GNA12: variants seen among roughly 807,000 people sequenced by gnomAD.
The protein encoded by GNA12 is guanine nucleotide-binding protein subunit alpha-12.
Under a neutral mutation model 26.0 loss-of-function variants are expected in GNA12, and 9 were observed. That is an observed-to-expected ratio of 0.35 (90% CI 0.21 to 0.60). The LOEUF is 0.60. Among genes scored for constraint, GNA12 ranks in the 20% least tolerant of loss-of-function variants. The pLI is 0.78. For missense variants in GNA12, 405 were observed against 525.8 expected (o/e 0.77, Z 2.25); for synonymous variants, 264 against 219.6 (o/e 1.20, Z -1.79).
intron 2 of GNA12, among the ~76,000 whole-genome samples, chr7:2,793,981 T>C (rs1381726782): frequency 6.6e-6 from 1 of 151,634 alleles, no homozygotes; most frequent in African/African-American, 2.4e-5. Flanking sequence ...GATCCTAGTA[T>C]CTTTCCACAG....
intron 2 of GNA12, among the ~76,000 whole-genome samples, chr7:2,751,130 G>GT (rs1194973033): frequency 6.6e-6 from 1 of 152,152 alleles, no homozygotes; most frequent in Non-Finnish European, 1.5e-5. Flanking sequence ...GCACACACTT[G>GT]TAACCCCAGC....
At chr7:2,812,603 T>C (rs1229291837) in intron 1 of GNA12, among the ~76,000 whole-genome samples, 1 of 133,408 alleles carries the variant, frequency 7.5e-6, no homozygotes, top group Non-Finnish European at 1.7e-5. Flanking sequence ...CATTCCAGCC[T>C]GGGCAACAAG....
chr7:2,802,792 C>T lies in GNA12; in HGVS notation c.310-7649G>A, dbSNP rs117715755. Among the ~76,000 whole-genome samples, 1,460 of 152,254 alleles carry T rather than the reference C, an allele frequency of 9.6e-3. 10 individuals are homozygous for T. Among genetic ancestry groups the T allele is most frequent in the Middle Eastern group, 0.075 (22 of 294 alleles). ...ATGCATTTCTTTACATTGATGAATC[C>T]AGCAAACAAAGACAGCGCCTCTTAG... is the stretch of plus-strand genomic sequence containing the variant. On this transcript the variant is annotated intron_variant, in intron 1 of 3. Coordinates refer to ENST00000275364, the MANE Select transcript of GNA12 (RefSeq NM_007353.3).
rs77576632 is a variant in GNA12 at position 2,815,163 on chromosome 7, C to A, written c.310-20020G>T. On this transcript the variant is annotated intron_variant, in intron 1 of 3. Transcript: ENST00000275364. Reference sequence around the variant, plus strand: ...AGGAGCAATACAAAAAGCAAGTGGACAGGAACATCGGCGAGGTGCCTGCGG... The same window carrying A: ...AGGAGCAATACAAAAAGCAAGTGGAAAGGAACATCGGCGAGGTGCCTGCGG... The A allele has an allele frequency of 6.5e-3, 3,755 of 580,802 alleles. 24 individuals carry two copies. The highest frequency in any genetic ancestry group is 0.037 in the Middle Eastern group (120 of 3,270). 36.0% of individuals were successfully genotyped at this position (580,802 alleles called of 1,614,324 possible).
intron 1 of GNA12, among the ~76,000 whole-genome samples, chr7:2,817,940 C>A (rs143793778): frequency 3.9e-5 from 6 of 152,166 alleles, no homozygotes; most frequent in African/African-American, 1.4e-4. Flanking sequence ...ATTATTAGTT[C>A]CAAATGTATT....
intron 2 of GNA12, among the ~76,000 whole-genome samples, chr7:2,769,687 C>T (rs1379491969): frequency 2.6e-5 from 4 of 152,036 alleles, no homozygotes; most frequent in Non-Finnish European, 2.9e-5. Context: ...GAGCCGAGAT[C>T]GCACCACCGC....
In GNA12 at chr7:2,731,832, T is replaced by TC; in HGVS notation, c.577-83_577-82insG. ...TAGAAACAAAAAGATGGCAAAAAGA[T>TC]AAGAAGGAAAGAGACTGACTTTTGC... On this transcript the variant is annotated intron_variant, in intron 3 of 3. Coordinates refer to ENST00000275364, the MANE Select transcript of GNA12 (RefSeq NM_007353.3). The surrounding 1 kb of genome is among the most constrained non-coding windows in gnomAD (Gnocchi z 6.0). 1.3e-6 allele frequency: 1 copy of TC among 740,874 alleles called. No homozygotes were observed. The highest frequency in any genetic ancestry group is 2.1e-6 in the Non-Finnish European group (1 of 487,214). 45.9% of individuals were successfully genotyped at this position (740,874 alleles called of 1,614,324 possible). A position where few individuals can be genotyped will look rare whatever the true frequency, so the allele number is the denominator to read the frequency against.
chr7:2,780,048 G>GTATATATA (rs1554259618), intron 2 of GNA12, among the ~76,000 whole-genome samples: 12 of 84,714 alleles, frequency 1.4e-4, no homozygotes, highest in African/African-American at 6.3e-4. Flanking sequence ...ACATTTCTGT[G>GTATATATA]TACATATATA....
chr7:2,824,271 AAT>A (rs1793432728), intron 1 of GNA12, among the ~76,000 whole-genome samples: 1 of 152,130 alleles, frequency 6.6e-6, no homozygotes, highest in African/African-American at 2.4e-5. Flanking sequence ...CCTCTGCAGA[AAT>A]CCTCAGGGAC....
chr7:2,844,200 G>T lies in GNA12; in HGVS notation c.-39C>A. On this transcript the variant is annotated 5_prime_UTR_variant, in exon 1 of 4. Transcript: ENST00000275364. ...GCGGCCGCGCCCCGCCGGCGCCCGG[G>T]GGCCATGGACGCTCCCGCCGGCGAG... The T allele has an allele frequency of 2.1e-6, 2 of 960,008 alleles. No individual in the cohort carries two copies. The highest frequency in any genetic ancestry group is 2.5e-6 in the Non-Finnish European group (2 of 809,218). 59.5% of individuals were successfully genotyped at this position (960,008 alleles called of 1,614,324 possible).
At chr7:2,803,786 A>G (rs1331031403) in intron 1 of GNA12, among the ~76,000 whole-genome samples, 2 of 151,818 alleles carry the variant, frequency 1.3e-5, no homozygotes, top group African/African-American at 2.4e-5. Flanking sequence ...AGGTTTTCCT[A>G]AAAGTCCAAA....
chr7:2,829,578 T>C (rs892526208), intron 1 of GNA12, among the ~76,000 whole-genome samples: 13 of 152,230 alleles, frequency 8.5e-5, no homozygotes, highest in African/African-American at 3.1e-4. Context: ...TCTCATACCC[T>C]GGAGCTCTTG....
At chr7:2,814,046 C>T (rs1793153997) in intron 1 of GNA12, among the ~76,000 whole-genome samples, 1 of 152,178 alleles carries the variant, frequency 6.6e-6, no homozygotes, top group South Asian at 2.1e-4. Context: ...CTCTCTTGCC[C>T]TGGGACTGGA....
chr7:2,768,687 CAAA>C (rs58917196), intron 2 of GNA12, among the ~76,000 whole-genome samples: 72 of 125,206 alleles, frequency 5.8e-4, no homozygotes, highest in Non-Finnish European at 2.0e-4. Context: ...CAAAACAAAA[CAAA>C]AAAAAAAACA....
chr7:2,829,596 T>C (rs773522684), intron 1 of GNA12, among the ~76,000 whole-genome samples: 2 of 152,242 alleles, frequency 1.3e-5, no homozygotes, highest in Non-Finnish European at 2.9e-5. Context: ...TTGTTTTATA[T>C]CATCTATATA....
intron 2 of GNA12, among the ~76,000 whole-genome samples, chr7:2,742,401 G>C (rs1218027926): frequency 2.0e-5 from 3 of 152,046 alleles, no homozygotes; most frequent in Admixed American, 2.0e-4. Flanking sequence ...TGACAGTTTC[G>C]AGATGATTTT....
intron 1 of GNA12, among the ~76,000 whole-genome samples, chr7:2,815,469 C>A (rs1793197302): frequency 6.6e-6 from 1 of 152,310 alleles, no homozygotes; most frequent in South Asian, 2.1e-4. Flanking sequence ...GAGTGCAGGG[C>A]TATATTGGCG....
intron 1 of GNA12, among the ~76,000 whole-genome samples, chr7:2,811,418 G>T (rs1386688650): frequency 6.6e-6 from 1 of 152,228 alleles, no homozygotes; most frequent in South Asian, 2.1e-4. Context: ...GGCAGAGAAA[G>T]CCCAGAACAA....
chr7:2,825,704 G>A (rs1422970835), intron 1 of GNA12, among the ~76,000 whole-genome samples: 1 of 152,198 alleles, frequency 6.6e-6, no homozygotes, highest in African/African-American at 2.4e-5. Flanking sequence ...GAGAAAACGT[G>A]TGCTGGCGTT....
Sources: gnomAD v4.1 joint callset for allele counts (sites outside exome capture counted in the v4.1 genomes callset) on GRCh38, gnomAD v4.1.1 for gene constraint, Gnocchi (gnomAD v3.1) non-coding constraint, MANE v1.5 for transcripts, NCBI Gene and HGNC (gene_info 2026-07-23, HGNC 2026-07-21) for gene names.